The following FAM163B variants were observed in gnomAD, a reference collection of about 807,000 sequenced individuals.
FAM163B encodes family with sequence similarity 163 member B, also known as protein FAM163B.
FAM163B carries 4 observed loss-of-function variants against 7.6 expected under a neutral mutation model. That is an observed-to-expected ratio of 0.52 (90% confidence interval 0.26 to 1.20). The LOEUF (loss-of-function observed/expected upper bound fraction) is 1.20. Among genes scored for constraint, FAM163B ranks in the 50% most tolerant of loss-of-function variants. FAM163B has a pLI of 0.14. For missense variants in FAM163B, 250 were observed against 243.0 expected (o/e 1.03, Z -0.19); for synonymous variants, 120 against 111.6 (o/e 1.07, Z -0.47).
At chr9:133,589,425 G>A (rs1831501333) in intron 1 of FAM163B, among the ~76,000 whole-genome samples, 1 of 152,230 alleles carries the variant, frequency 6.6e-6, no homozygotes, top group African/African-American at 2.4e-5. Context: ...AAGGTCACAT[G>A]GTGAGGGGTG....
chr9:133,588,780 AC>A (rs1293964380), intron 1 of FAM163B, among the ~76,000 whole-genome samples: 1 of 108,818 alleles, frequency 9.2e-6, no homozygotes, highest in Non-Finnish European at 2.0e-5. Flanking sequence ...GCCCAGGGTC[AC>A]CGGGCACATC....
At chr9:133,588,659 C>A in intron 1 of FAM163B, among the ~76,000 whole-genome samples, 2 of 11,102 alleles carry the variant, frequency 1.8e-4, no homozygotes, top group Admixed American at 9.0e-4. Context: ...AAGGATCTAG[C>A]ATGCTGAGGG....
chr9:133,599,478 A>G (rs1831680594), intron 1 of FAM163B, among the ~76,000 whole-genome samples: 1 of 151,920 alleles, frequency 6.6e-6, no homozygotes, highest in Non-Finnish European at 1.5e-5. Context: ...ATCTGTGTCT[A>G]TGTGTGTCAA....
At chr9:133,589,468 C>A (rs1831502017) in intron 1 of FAM163B, among the ~76,000 whole-genome samples, 3 of 152,338 alleles carry the variant, frequency 2.0e-5, no homozygotes, top group Admixed American at 2.0e-4. Flanking sequence ...TGTGCCACAT[C>A]AAATCTGATG....
In FAM163B at chr9:133,577,963, T is replaced by G. The variant is rs2131203290; in HGVS notation, c.*1059A>C. 6.6e-6 allele frequency among the ~76,000 whole-genome samples: 1 copy of G among 152,268 alleles called. No homozygotes were observed. Among genetic ancestry groups the G allele is most frequent in the East Asian group, 1.9e-4 (1 of 5,184 alleles). On this transcript the variant is annotated 3_prime_UTR_variant, in exon 3 of 3. Transcript: ENST00000673969. The stretch of plus-strand genomic sequence containing the variant: ...GGTCCACCAGGAGCTGGGCCAGGCC[T>G]CCTAGGTCCTGCTGAGAAGCAGGTA...
Position 133,579,367 on chromosome 9 carries a change from G to A in FAM163B, c.156C>T (p.His52=), listed in dbSNP as rs961735652. ...TGGAGTGCAGCGGGGGCAGGTGCGA[G>A]TGAACGGCGAAGTCTGGTTCCTCCT... ...EDEEEPDFAV[H]SHLPPLHSNR... is the part of the protein sequence containing the mutation. Residue 52 remains histidine (H), a synonymous_variant, in exon 3 of 3, where the codon CAC becomes CAT. Coordinates refer to ENST00000673969, the MANE Select transcript of FAM163B (RefSeq NM_001080515.3). 3.7e-6 allele frequency: 6 copies of A among 1,612,370 alleles called. No homozygotes were observed. In the African/African-American group the frequency reaches 8.0e-5, roughly 22 times the overall value.
intron 1 of FAM163B, among the ~76,000 whole-genome samples, chr9:133,597,366 C>T (rs571573637): frequency 1.3e-5 from 2 of 152,176 alleles, no homozygotes; most frequent in South Asian, 4.1e-4. Context: ...ATGGAATTAA[C>T]CTCAGACTAG....
intron 1 of FAM163B, among the ~76,000 whole-genome samples, chr9:133,604,357 A>G (rs1205477001): frequency 6.6e-6 from 1 of 151,822 alleles, no homozygotes. Flanking sequence ...AGTCAAAAGG[A>G]CAGGGAACAA....
At chr9:133,580,533 A>G (rs1289421309) in intron 1 of FAM163B, among the ~76,000 whole-genome samples, 1 of 152,188 alleles carries the variant, frequency 6.6e-6, no homozygotes, top group African/African-American at 2.4e-5. Context: ...GTGTCTCTCC[A>G]TGCTTAGTGT....
In FAM163B at chr9:133,590,213, C is replaced by CCTCTCTCCTTCCTTCCTT. The variant is rs1187154388; in HGVS notation, c.-23-9985_-23-9968dup. Among the ~76,000 whole-genome samples the CCTCTCTCCTTCCTTCCTT allele has an allele frequency of 1.9e-3, 268 of 142,018 alleles. 5 individuals are homozygous for CCTCTCTCCTTCCTTCCTT. Among genetic ancestry groups the CCTCTCTCCTTCCTTCCTT allele is most frequent in the African/African-American group, 6.6e-3 (250 of 38,056 alleles). The allele number at this position is 142,018 out of a possible 152,430, so 93.2% of individuals were successfully genotyped here. A position where few individuals can be genotyped will look rare whatever the true frequency, so the allele number is the denominator to read the frequency against. On this transcript the variant is annotated intron_variant, in intron 1 of 2. Coordinates refer to ENST00000673969, the MANE Select transcript of FAM163B (RefSeq NM_001080515.3). ...TTCCTTCTTTCCTTTCCTTTCCTTC[C>CCTCTCTCCTTCCTTCCTT]CTCTCTCCTTCCTTCCTTCTCTCTC...
intron 1 of FAM163B, among the ~76,000 whole-genome samples, chr9:133,593,282 T>C (rs3025299): frequency 0.39 from 58,695 of 152,104 alleles, 11,580 homozygotes; most frequent in Admixed American, 0.46. Flanking sequence ...AGCAAAGTGA[T>C]GCCTGGAGTT....
Position 133,578,842 on chromosome 9 carries a change from A to G in FAM163B, c.*180T>C, listed in dbSNP as rs985454090. 2.7e-5 allele frequency: 33 copies of G among 1,211,940 alleles called. 1 individual carries two copies. The highest frequency in any genetic ancestry group is 5.2e-5 in the East Asian group (2 of 38,100). The allele number at this position is 1,211,940 out of a possible 1,614,324, so 75.1% of individuals were successfully genotyped here. ...TCCCCCCAGGACACATTTGTGTTCA[A>G]TGAGCCTTATCCCTGCCACGAGCCT... On this transcript the variant is annotated 3_prime_UTR_variant, in exon 3 of 3. Coordinates refer to ENST00000673969, the MANE Select transcript of FAM163B (RefSeq NM_001080515.3).
intron 1 of FAM163B, among the ~76,000 whole-genome samples, chr9:133,588,306 G>A (rs1454535719): frequency 6.6e-6 from 1 of 152,188 alleles, no homozygotes; most frequent in African/African-American, 2.4e-5. Context: ...TCATGCTGGT[G>A]GGAGGCCTGG....
At chr9:133,599,893 GT>G (rs1831691047) in intron 1 of FAM163B, among the ~76,000 whole-genome samples, 1 of 150,476 alleles carries the variant, frequency 6.6e-6, no homozygotes, top group Non-Finnish European at 1.5e-5. Flanking sequence ...GCATATGCAT[GT>G]GCAAGTGTGG....
chr9:133,588,022 C>T (rs1831467970), intron 1 of FAM163B, among the ~76,000 whole-genome samples: 2 of 152,190 alleles, frequency 1.3e-5, no homozygotes, highest in East Asian at 1.9e-4. Flanking sequence ...CAGTGCTCAC[C>T]AGGACCTCAC....
intron 1 of FAM163B, among the ~76,000 whole-genome samples, chr9:133,608,434 T>C (rs1831815147): frequency 6.8e-6 from 1 of 146,618 alleles, no homozygotes; most frequent in Non-Finnish European, 1.5e-5. Context: ...TGAGGAAACC[T>C]AGTGTCAGTT....
At chr9:133,596,568 TG>T (rs1209259727) in intron 1 of FAM163B, among the ~76,000 whole-genome samples, 13 of 152,184 alleles carry the variant, frequency 8.5e-5, no homozygotes, top group African/African-American at 3.1e-4. Flanking sequence ...GAGGGCCCTG[TG>T]GTGGCCCCAG....
chr9:133,594,656 C>G (rs971215762), intron 1 of FAM163B, among the ~76,000 whole-genome samples: 1 of 152,130 alleles, frequency 6.6e-6, no homozygotes, highest in South Asian at 2.1e-4. Context: ...AGCTTTGGGT[C>G]CCTGCTTTTG....
intron 1 of FAM163B, among the ~76,000 whole-genome samples, chr9:133,586,534 T>C (rs1831440836): frequency 6.6e-6 from 1 of 152,198 alleles, no homozygotes. Context: ...TTCACAGATT[T>C]CTAGAAGCTC....
Sources: allele counts gnomAD v4.1 joint callset (sites outside exome capture counted in the v4.1 genomes callset), GRCh38; gene constraint gnomAD v4.1.1; transcripts MANE v1.5; gene names NCBI Gene and HGNC (gene_info 2026-07-23, HGNC 2026-07-21).